SYT14: variants seen among roughly 807,000 people sequenced by gnomAD.
SYT14 encodes synaptotagmin 14.
In SYT14, 32 loss-of-function variants were observed where a neutral mutation model predicts 74.2. That is an observed-to-expected ratio of 0.43 (90% CI 0.33 to 0.58). SYT14 has a LOEUF of 0.58. SYT14 is among the 20% of genes least tolerant of loss of function. The pLI, the probability that SYT14 is intolerant of heterozygous loss-of-function variation, is 0.05. For synonymous variants in SYT14, 298 were observed against 337.7 expected (o/e 0.88, Z 1.29); for missense variants, 791 against 981.8 (o/e 0.81, Z 2.60).
At chr1:210,048,068 C>T (rs10863806) in intron 5 of SYT14, among the ~76,000 whole-genome samples, 5,109 of 152,284 alleles carry the variant, frequency 0.034, 596 homozygotes, top group Admixed American at 0.23. Context: ...TACTTTGAGA[C>T]TGTGTGAATA....
intron 1 of SYT14, among the ~76,000 whole-genome samples, chr1:209,948,460 G>T (rs1217083688): frequency 6.6e-6 from 1 of 152,140 alleles, no homozygotes; most frequent in Non-Finnish European, 1.5e-5. Context: ...GTTTGCCTGA[G>T]GGAAAAGATG....
chr1:209,963,775 C>T (rs1427932897), intron 2 of SYT14, among the ~76,000 whole-genome samples: 1 of 152,078 alleles, frequency 6.6e-6, no homozygotes, highest in Non-Finnish European at 1.5e-5. Flanking sequence ...TGATGATTTC[C>T]TCAAAGAATT....
chr1:210,112,448 T>C (rs550038555), intron 7 of SYT14, among the ~76,000 whole-genome samples: 2 of 151,534 alleles, frequency 1.3e-5, no homozygotes, highest in African/African-American at 4.9e-5. Flanking sequence ...CAGAATAGAA[T>C]GGGCCTATGA....
chr1:209,957,015 G>A (rs890374393), intron 2 of SYT14, among the ~76,000 whole-genome samples: 2 of 151,584 alleles, frequency 1.3e-5, no homozygotes, highest in South Asian at 4.2e-4. Context: ...TTCTTCTGCA[G>A]AAGCTATGTA....
intron 5 of SYT14, among the ~76,000 whole-genome samples, chr1:210,066,520 G>A (rs572641216): frequency 5.9e-5 from 9 of 152,272 alleles, no homozygotes; most frequent in African/African-American, 2.2e-4. Context: ...CTGCATAAAT[G>A]TCTTCTTTTG....
At chr1:209,974,544 G>A (rs2079320687) in intron 2 of SYT14, among the ~76,000 whole-genome samples, 1 of 152,136 alleles carries the variant, frequency 6.6e-6, no homozygotes, top group African/African-American at 2.4e-5. Context: ...TTATTTCTCA[G>A]GGCTCTGTTC....
In SYT14 at chr1:210,021,225, G is replaced by A. The variant is rs759296305; in HGVS notation, c.1283G>A (p.Gly428Glu). The A allele has an allele frequency of 2.7e-5, 44 of 1,613,852 alleles. No homozygotes were observed. In the East Asian group the frequency reaches 9.4e-4, roughly 34 times the overall value. The change falls in exon 5 of 10, where the codon GGA (glycine) becomes GAA (glutamate). Residue 428 changes from glycine (G) to glutamate (E), a missense_variant. Transcript: ENST00000637265. ...AGTCCTCTATCGGCAGAGTATGATG[G>A]ATACAGTAGTGAAGCATCAATAGAT... is the stretch of plus-strand genomic sequence containing the variant.
At chr1:210,140,044 T>A (rs189567432) in intron 7 of SYT14, among the ~76,000 whole-genome samples, 1 of 152,316 alleles carries the variant, frequency 6.6e-6, no homozygotes, top group East Asian at 1.9e-4. Flanking sequence ...AAACAGTTTT[T>A]CAAAGTAGGT....
At position 210,094,064 on chromosome 1, in the gene SYT14, A is replaced by G. The variant is rs550990754; in HGVS notation, c.1313-258A>G. Among the ~76,000 whole-genome samples the G allele has an allele frequency of 3.3e-5, 5 of 152,198 alleles. No homozygotes were observed. In the South Asian group the frequency reaches 1.0e-3, roughly 32 times the overall value. On this transcript the variant is annotated intron_variant, in intron 5 of 9. Coordinates refer to ENST00000637265, the Ensembl canonical transcript of SYT14. The stretch of plus-strand genomic sequence containing the variant: ...TAATACTTATCACTCCCTAATTTTT[A>G]TGATACATAACAGGATCTTTCTTCG...
At chr1:210,096,910 C>T (rs879790482) in intron 6 of SYT14, among the ~76,000 whole-genome samples, 5 of 152,146 alleles carry the variant, frequency 3.3e-5, no homozygotes, top group South Asian at 2.1e-4. Context: ...TATTTAATAT[C>T]GTATGAATTC....
intron 6 of SYT14, among the ~76,000 whole-genome samples, chr1:210,094,975 T>TGG (rs1324478624): frequency 6.6e-6 from 1 of 152,170 alleles, no homozygotes; most frequent in East Asian, 1.9e-4. Context: ...TCACAAGTCT[T>TGG]TCAAAATAAT....
At chr1:210,089,186 A>G (rs1464555483) in intron 5 of SYT14, among the ~76,000 whole-genome samples, 2 of 152,088 alleles carry the variant, frequency 1.3e-5, no homozygotes, top group Non-Finnish European at 2.9e-5. Context: ...AGCTTCATCC[A>G]TGTCCCTGCA....
chr1:210,097,643 A>T (rs1572292882), intron 6 of SYT14, among the ~76,000 whole-genome samples: 1 of 152,214 alleles, frequency 6.6e-6, no homozygotes, highest in African/African-American at 2.4e-5. Flanking sequence ...GAAAATATTT[A>T]ATTGAAATAC....
In SYT14 at chr1:210,121,655, G is replaced by A. The variant is rs183133006; in HGVS notation, c.2034+21194G>A. Among the ~76,000 whole-genome samples the A allele has an allele frequency of 3.6e-3, 543 of 152,044 alleles. 2 individuals are homozygous for A. Among genetic ancestry groups the A allele is most frequent in the Admixed American group, 6.9e-3 (106 of 15,260 alleles). ...TAAAAATACAAAAAATTAGCCAGGC[G>A]TGGTGGCGGGCGCCTGTAGTCCCAG... On this transcript the variant is annotated intron_variant, in intron 7 of 9. Coordinates refer to ENST00000637265, the Ensembl canonical transcript of SYT14.
chr1:210,143,483 C>T (rs973138214), intron 7 of SYT14, among the ~76,000 whole-genome samples: 1 of 152,016 alleles, frequency 6.6e-6, no homozygotes, highest in Non-Finnish European at 1.5e-5. Context: ...TATTCATTTG[C>T]TCCCGTTTGT....
rs762176023 is a variant in SYT14, at chr1:209,952,696, CTTTT to C, written c.-533-9_-533-6del. The C allele has an allele frequency of 1.2e-6, 2 of 1,605,754 alleles. No individual in the cohort carries two copies. The highest frequency in any genetic ancestry group is 8.5e-7 in the Non-Finnish European group (1 of 1,174,448). On this transcript the variant is annotated splice_polypyrimidine_tract_variant and intron_variant, in intron 1 of 9. Coordinates refer to ENST00000637265, the Ensembl canonical transcript of SYT14. ...TTCTATGTTTTTAACTTCCCATAAA[CTTTT>C]TTTAATAGGTGGAGAGAGAACCTGT... is the stretch of plus-strand genomic sequence containing the variant.
At chr1:210,022,904 TC>T (rs1158902843) in intron 5 of SYT14, among the ~76,000 whole-genome samples, 1 of 152,152 alleles carries the variant, frequency 6.6e-6, no homozygotes, top group African/African-American at 2.4e-5. Context: ...TCTCGGTAGT[TC>T]TGTTAGTCTA....
chr1:210,155,675 A>C, intron 7 of SYT14, 46 bp from the exon 7 acceptor site: 1 of 1,594,960 alleles, frequency 6.3e-7, no homozygotes, highest in Non-Finnish European at 8.6e-7. Flanking sequence ...ATCTCTTAAT[A>C]TATCTCTCTT....
chr1:210,141,631 T>C (rs1180936677), intron 7 of SYT14, among the ~76,000 whole-genome samples: 1 of 152,190 alleles, frequency 6.6e-6, no homozygotes, highest in Non-Finnish European at 1.5e-5. Context: ...TCTATATTAT[T>C]GTCATGTGCA....
Sources: allele counts gnomAD v4.1 joint callset (sites outside exome capture counted in the v4.1 genomes callset), GRCh38; gene constraint gnomAD v4.1.1; transcripts MANE v1.5; gene names NCBI Gene and HGNC (gene_info 2026-07-23, HGNC 2026-07-21).